Variants in SEMA3D observed in about 807,000 individuals in gnomAD.
SEMA3D encodes semaphorin 3D.
In SEMA3D, 84 loss-of-function variants were observed where a neutral mutation model predicts 100.1. The ratio of observed to expected loss-of-function variants is 0.84; its 90% CI spans 0.70 to 1.01. The LOEUF (loss-of-function observed/expected upper bound fraction) is 1.01, where lower values mean the gene tolerates loss of function less well. Among genes scored for constraint, SEMA3D ranks in the 50% least tolerant of loss-of-function variants. The pLI, the probability that SEMA3D is intolerant of heterozygous loss-of-function variation, is 0.00. For synonymous variants in SEMA3D, 312 were observed against 320.7 expected, an observed-to-expected ratio of 0.97 and a Z score of 0.29; for missense variants, 875 against 934.1, an observed-to-expected ratio of 0.94 and a Z score of 0.82.
At chr7:85,001,399 T>A (rs1209506781) in intron 18 of SEMA3D, among the ~76,000 whole-genome samples, 1 of 152,232 alleles carries the variant, frequency 6.6e-6, no homozygotes, top group African/African-American at 2.4e-5. Context: ...ACAAACTAAC[T>A]TTGAATTAAT....
the SEMA3D span, among the ~76,000 whole-genome samples, chr7:85,199,170 A>G: frequency 1.3e-5 from 2 of 152,096 alleles, no homozygotes; most frequent in Admixed American, 1.3e-4. Context: ...TGCTTGTAAT[A>G]TTCATGGTAA....
chr7:85,102,754 A>C (rs1583924905), intron 3 of SEMA3D, among the ~76,000 whole-genome samples: 1 of 152,038 alleles, frequency 6.6e-6, no homozygotes, highest in Admixed American at 6.6e-5. Context: ...TGAGAGGAGG[A>C]AAATGTTTAA....
chr7:85,089,728 T>A lies in SEMA3D; in HGVS notation c.312+8077A>T, dbSNP rs78753362. Reference sequence around the variant, plus strand: ...GGCAACACTCTGTCTCTATGAAAAATAATAATAATAAAGTTAGCTGGGCAT... The same window carrying A: ...GGCAACACTCTGTCTCTATGAAAAAAAATAATAATAAAGTTAGCTGGGCAT... On this transcript the variant is annotated intron_variant, in intron 4 of 18. Transcript: ENST00000284136. Among the ~76,000 whole-genome samples, 744 of 151,474 alleles carry A rather than the reference T, an allele frequency of 4.9e-3. 8 individuals are homozygous for A. The highest frequency in any genetic ancestry group is 0.017 in the African/African-American group (714 of 41,126).
chr7:85,020,171 C>T, intron 14 of SEMA3D, 62 bp downstream of exon 14: 1 of 1,059,710 alleles, frequency 9.4e-7, no homozygotes. Flanking sequence ...ACAAGGGTGC[C>T]CTATAACAAG....
intron 9 of SEMA3D, among the ~76,000 whole-genome samples, chr7:85,047,550 A>G (rs1791044026): frequency 6.6e-6 from 1 of 151,786 alleles, no homozygotes; most frequent in Non-Finnish European, 1.5e-5. Flanking sequence ...TGTCATTTTA[A>G]CCTATATATT....
intron 5 of SEMA3D, 104 bp downstream of exon 5, chr7:85,081,409 CTGAA>C: frequency 1.5e-6 from 1 of 670,868 alleles, no homozygotes; most frequent in East Asian, 2.7e-5. Context: ...TTAGTTTAGT[CTGAA>C]AAATAATACA....
At position 84,999,745 on chromosome 7, in the gene SEMA3D, C is replaced by T. The variant is rs762982192; in HGVS notation, c.2029G>A (p.Val677Met). The T allele has an allele frequency of 3.1e-6, 5 of 1,614,022 alleles. No homozygotes were observed. In the East Asian group the frequency reaches 8.9e-5, roughly 29 times the overall value. Reference protein sequence around the residue: ...AQEHTFIHTIVKLTLNVIENE... With the variant: ...AQEHTFIHTIMKLTLNVIENE... ...TCAATGACATTCAAAGTCAGCTTCA[C>T]TATGGTGTGGATGAAAGTGTGCTCC... is the stretch of plus-strand genomic sequence containing the variant. The change falls in exon 19 of 19, where the codon GTG (valine) becomes ATG (methionine). Residue 677 changes from valine to methionine, a missense_variant. Coordinates refer to ENST00000284136, the MANE Select transcript of SEMA3D (RefSeq NM_001384900.1).
At chr7:85,140,451 G>C in intron 2 of SEMA3D, 1 of 983,352 alleles carries the variant, frequency 1.0e-6, no homozygotes, top group Non-Finnish European at 1.2e-6. Flanking sequence ...TGGGATTTAA[G>C]GTGACTTACT....
intron 3 of SEMA3D, among the ~76,000 whole-genome samples, chr7:85,118,468 T>C (rs1458554421): frequency 6.6e-6 from 1 of 152,090 alleles, no homozygotes; most frequent in Non-Finnish European, 1.5e-5. Context: ...TGATTTGGGT[T>C]TTCTTATTTT....
chr7:85,167,218 A>G, intron 1 of SEMA3D: 1 of 945,358 alleles, frequency 1.1e-6, no homozygotes, highest in Non-Finnish European at 1.3e-6. Flanking sequence ...GAAATGTTAT[A>G]ATAGGCTGAA....
chr7:85,156,379 C>A (rs1407709547), intron 1 of SEMA3D, among the ~76,000 whole-genome samples: 1 of 152,032 alleles, frequency 6.6e-6, no homozygotes, highest in African/African-American at 2.4e-5. Context: ...GGATTACAGG[C>A]GTGAGCCACC....
At chr7:85,182,079 T>C (rs1197166267) in intron 1 of SEMA3D, among the ~76,000 whole-genome samples, 1 of 152,146 alleles carries the variant, frequency 6.6e-6, no homozygotes, top group East Asian at 1.9e-4. Context: ...GAATTCTTCT[T>C]TTCTTTTATC....
At chr7:85,009,518 TTGA>T (rs1789893766) in intron 17 of SEMA3D, among the ~76,000 whole-genome samples, 1 of 151,692 alleles carries the variant, frequency 6.6e-6, no homozygotes, top group Admixed American at 6.6e-5. Context: ...ACTCCCACAA[TTGA>T]TTATTTGCCT....
At chr7:85,141,268 C>T in intron 2 of SEMA3D, 1 of 984,326 alleles carries the variant, frequency 1.0e-6, no homozygotes, top group East Asian at 1.1e-4. Flanking sequence ...TCAAGTTATT[C>T]CTTTTAAAAT....
intron 3 of SEMA3D, among the ~76,000 whole-genome samples, chr7:85,120,583 G>A (rs189483767): frequency 1.9e-3 from 281 of 148,682 alleles, no homozygotes; most frequent in African/African-American, 6.7e-3. Flanking sequence ...TGGGAGAGTC[G>A]CTTGAACCCA....
At chr7:85,001,701 T>TA (rs1443633349) in intron 18 of SEMA3D, among the ~76,000 whole-genome samples, 1 of 152,150 alleles carries the variant, frequency 6.6e-6, no homozygotes, top group East Asian at 1.9e-4. Context: ...TGGCACAGCA[T>TA]ATGGTGTGTT....
At chr7:85,048,095 C>T (rs1030297882) in intron 9 of SEMA3D, among the ~76,000 whole-genome samples, 5 of 151,798 alleles carry the variant, frequency 3.3e-5, no homozygotes, top group African/African-American at 9.7e-5. Context: ...CTGAGGCAAA[C>T]ACACAGGCTT....
chr7:85,051,999 A>G (rs1041659278), intron 9 of SEMA3D, among the ~76,000 whole-genome samples: 1 of 151,942 alleles, frequency 6.6e-6, no homozygotes, highest in African/African-American at 2.4e-5. Flanking sequence ...CAGGTGTAGA[A>G]TATTACCGTC....
Position 85,040,655 on chromosome 7 carries a change from G to A in SEMA3D, c.1046+18C>T, listed in dbSNP as rs756106129. 86 of 1,269,328 alleles carry A rather than the reference G, an allele frequency of 6.8e-5. No homozygotes were observed. The highest frequency in any genetic ancestry group is 9.8e-5 in the Non-Finnish European group (85 of 871,136). 78.6% of individuals were successfully genotyped at this position (1,269,328 alleles called of 1,614,324 possible). A position where few individuals can be genotyped will look rare whatever the true frequency, so the allele number is the denominator to read the frequency against. ...TATACAATTCTCTGAAGCATTAAAA[G>A]CATTTTGTTGAACATACCTGGTTGT... On this transcript the variant is annotated intron_variant, in intron 11 of 18. Transcript: ENST00000284136.
Sources: gnomAD v4.1 joint callset for allele counts (sites outside exome capture counted in the v4.1 genomes callset) on GRCh38, gnomAD v4.1.1 for gene constraint, MANE v1.5 for transcripts, NCBI Gene and HGNC (gene_info 2026-07-23, HGNC 2026-07-21) for gene names.